Variants in ARID1A observed in about 807,000 individuals in gnomAD.
ARID1A encodes AT-rich interactive domain-containing protein 1A.
ARID1A carries 20 observed loss-of-function variants against 212.6 expected under a neutral mutation model. That is an observed-to-expected ratio of 0.09 (90% CI 0.07 to 0.14). The LOEUF (loss-of-function observed/expected upper bound fraction) is 0.14. ARID1A is among the 10% of genes least tolerant of loss of function. ARID1A has a pLI of 1.00. For synonymous variants in ARID1A, 1,376 were observed against 1,222.1 expected, an observed-to-expected ratio of 1.13 and a Z score of -2.63; for missense variants, 2,587 against 3,059.0, an observed-to-expected ratio of 0.85 and a Z score of 3.64.
chr1:26,708,114 A>G (rs1038562336), intron 1 of ARID1A, among the ~76,000 whole-genome samples: 10 of 151,816 alleles, frequency 6.6e-5, no homozygotes, highest in African/African-American at 2.2e-4. Flanking sequence ...TGGATTTCCG[A>G]TGAATGGCCA....
intron 6 of ARID1A, among the ~76,000 whole-genome samples, chr1:26,761,814 T>G (rs1421975752): frequency 6.6e-6 from 1 of 152,218 alleles, no homozygotes; most frequent in African/African-American, 2.4e-5. Context: ...TGTCTGTGTT[T>G]TGATGGTTGC....
intron 3 of ARID1A, 133 bp downstream of exon 3, chr1:26,731,737 A>G (rs1325774423): frequency 8.3e-6 from 8 of 960,706 alleles, no homozygotes; most frequent in African/African-American, 8.3e-5. Context: ...CTGGGTAAAC[A>G]TGATAACTGG....
rs2080252250 is a variant in ARID1A at position 26,696,371 on chromosome 1, C to A, written c.-33C>A. On this transcript the variant is annotated 5_prime_UTR_variant, in exon 1 of 20. Transcript: ENST00000324856. ...AGGGGGGGAGAAGACGAAGACAGGG[C>A]CGGGTCTCTCCGCGGACGAGACAGC... The A allele has an allele frequency of 8.1e-7, 1 of 1,235,886 alleles. No individual in the cohort carries two copies. Among genetic ancestry groups the A allele is most frequent in the Non-Finnish European group, 1.0e-6 (1 of 988,630 alleles). The allele number at this position is 1,235,886 out of a possible 1,614,324, so 76.6% of individuals were successfully genotyped here.
chr1:26,724,990 T>C (rs952012194), intron 1 of ARID1A, among the ~76,000 whole-genome samples: 29 of 152,234 alleles, frequency 1.9e-4, no homozygotes, highest in African/African-American at 7.0e-4. Flanking sequence ...TCCCCCTTTT[T>C]TATTTTTATT....
In ARID1A at chr1:26,697,420, T is replaced by TGCG. The variant is rs1194384817; in HGVS notation, c.1026_1028dup (p.Ala349dup). Reference sequence around the variant, plus strand: ...ACATGGCCTCGCAGTGTTGGGGGGCTGCGGCGGCGGCAGCTGCGGCGGCGG... The same window carrying TGCG: ...ACATGGCCTCGCAGTGTTGGGGGGCTGCGGCGGCGGCGGCAGCTGCGGCGGCGG... On this transcript the variant is annotated inframe_insertion, in exon 1 of 20. Transcript: ENST00000324856. The TGCG allele has an allele frequency of 5.2e-6, 7 of 1,345,166 alleles. No individual in the cohort carries two copies. Among genetic ancestry groups the TGCG allele is most frequent in the Middle Eastern group, 2.8e-4 (1 of 3,598 alleles). 83.3% of individuals were successfully genotyped at this position (1,345,166 alleles called of 1,614,324 possible).
At chr1:26,698,357 C>T (rs1300083015) in intron 1 of ARID1A, among the ~76,000 whole-genome samples, 1 of 152,192 alleles carries the variant, frequency 6.6e-6, no homozygotes, top group East Asian at 1.9e-4. Context: ...CTGATGAGCT[C>T]ATAAACTTTT....
At chr1:26,736,041 A>C (rs975616036) in intron 4 of ARID1A, among the ~76,000 whole-genome samples, 2 of 152,108 alleles carry the variant, frequency 1.3e-5, no homozygotes, top group African/African-American at 4.8e-5. Context: ...CTTTAAAAAA[A>C]AGGCCGGGCG....
intron 2 of ARID1A, 66 bp from the exon 3 acceptor site, chr1:26,731,086 A>C: frequency 2.0e-6 from 3 of 1,513,424 alleles, no homozygotes; most frequent in Non-Finnish European, 2.7e-6. Context: ...ATAGCTTCTC[A>C]CAAAACACTT....
intron 19 of ARID1A, among the ~76,000 whole-genome samples, chr1:26,776,218 T>C (rs1479314019): frequency 1.3e-5 from 2 of 151,830 alleles, no homozygotes; most frequent in Non-Finnish European, 2.9e-5. Flanking sequence ...TAGGGGCCTT[T>C]GTTGATCCCA....
At chr1:26,729,293 T>C in intron 1 of ARID1A, 1 of 258,266 alleles carries the variant, frequency 3.9e-6, no homozygotes, top group South Asian at 5.4e-5. Context: ...GAAGCATCAA[T>C]TTTGGTGTGT....
intron 18 of ARID1A, 55 bp downstream of exon 18, chr1:26,775,275 T>C (rs964747318): frequency 1.3e-6 from 2 of 1,519,916 alleles, no homozygotes; most frequent in African/African-American, 1.4e-5. Flanking sequence ...ATCTTGTCCA[T>C]TGTTCCCTCC....
chr1:26,729,598 A>G (rs1285399911), intron 1 of ARID1A, 53 bp from the exon 2 acceptor site: 3 of 1,588,040 alleles, frequency 1.9e-6, no homozygotes, highest in South Asian at 2.2e-5. Context: ...TTATATATTC[A>G]GTGGCCAGAG....
rs1484866258 is a variant in ARID1A, at chr1:26,779,364, A to G, written c.5466A>G (p.Pro1822=). The G allele has an allele frequency of 6.2e-7, 1 of 1,614,130 alleles. No homozygotes were observed. The highest frequency in any genetic ancestry group is 8.5e-7 in the Non-Finnish European group (1 of 1,180,052). The stretch of plus-strand genomic sequence containing the variant: ...TAAAGATCGTACAGAAGAATGATCC[A>G]TTTGTGGTGGACTGCTCAGATAAGC... ...LPVKIVQKND[P]FVVDCSDKLG... Residue 1822 remains proline (P), a synonymous_variant, in exon 20 of 20, where the codon CCA becomes CCG. Coordinates refer to ENST00000324856, the MANE Select transcript of ARID1A (RefSeq NM_006015.6).
Position 26,696,483 on chromosome 1 carries a change from C to T in ARID1A, c.80C>T (p.Ala27Val), listed in dbSNP as rs2080254429. ...PPPPPSELKKAEQQQREEAGG... is the reference protein window; with the variant it reads ...PPPPPSELKKVEQQQREEAGG... ...CCGCCGCCCTCGGAGCTGAAGAAAG[C>T]CGAGCAGCAGCAGCGGGAGGAGGCG... The change falls in exon 1 of 20, where the codon GCC becomes GTC. Residue 27 changes from alanine to valine, a missense_variant. Physicochemically the swap from Ala to Val is moderately conservative, Grantham distance 64. Around this residue, in one of 11 missense-constraint regions of ARID1A, gnomAD observed 735 missense variants for 590.6 expected, o/e 1.24. Transcript: ENST00000324856. 8.0e-7 allele frequency: 1 copy of T among 1,253,308 alleles called. No homozygotes were observed. The highest frequency in any genetic ancestry group is 1.0e-6 in the Non-Finnish European group (1 of 1,001,872). The allele number at this position is 1,253,308 out of a possible 1,614,324, so 77.6% of individuals were successfully genotyped here. A position where few individuals can be genotyped will look rare whatever the true frequency, so the allele number is the denominator to read the frequency against.
At chr1:26,740,490 C>G (rs1164903123) in intron 4 of ARID1A, among the ~76,000 whole-genome samples, 1 of 152,096 alleles carries the variant, frequency 6.6e-6, no homozygotes, top group Non-Finnish European at 1.5e-5. Context: ...AAGGGAAAGT[C>G]CAGCTTGAAC....
At chr1:26,706,119 G>T (rs1156500957) in intron 1 of ARID1A, among the ~76,000 whole-genome samples, 1 of 152,180 alleles carries the variant, frequency 6.6e-6, no homozygotes, top group African/African-American at 2.4e-5. Context: ...TGCTTGAATT[G>T]CTACCCATAT....
At chr1:26,763,435 G>A in intron 8 of ARID1A, 150 bp downstream of exon 8, 1 of 1,000,038 alleles carries the variant, frequency 1.0e-6, no homozygotes, top group South Asian at 1.8e-5. Flanking sequence ...AGATGGGTCT[G>A]AAATTTCACG....
At chr1:26,742,530 G>A (rs4970482) in intron 4 of ARID1A, among the ~76,000 whole-genome samples, 1 of 151,948 alleles carries the variant, frequency 6.6e-6, no homozygotes, top group African/African-American at 2.4e-5. Context: ...CAACATCACC[G>A]GGAAGCTTGC....
chr1:26,741,679 A>G (rs941594492), intron 4 of ARID1A, among the ~76,000 whole-genome samples: 17 of 152,214 alleles, frequency 1.1e-4, no homozygotes, highest in African/African-American at 3.6e-4. Flanking sequence ...GATCATACTC[A>G]TTTCCTCAGG....
Sources: allele counts gnomAD v4.1 joint callset (sites outside exome capture counted in the v4.1 genomes callset), GRCh38; gene constraint gnomAD v4.1.1; regional missense constraint gnomAD v4.1.1; transcripts MANE v1.5; gene names NCBI Gene and HGNC (gene_info 2026-07-23, HGNC 2026-07-21).